SRP19: variants seen among roughly 807,000 people sequenced by gnomAD.
SRP19 encodes signal recognition particle 19.
A neutral mutation model predicts 22.4 loss-of-function variants in SRP19; 11 were observed. That is an observed-to-expected ratio of 0.49 (90% CI 0.31 to 0.81). The LOEUF is 0.81. SRP19 is among the 40% of genes least tolerant of loss of function. SRP19 has a pLI of 0.05. For synonymous variants in SRP19, 61 were observed against 57.6 expected, an observed-to-expected ratio of 1.06 and a Z score of -0.27; for missense variants, 168 against 175.9, an observed-to-expected ratio of 0.96 and a Z score of 0.25.
At chr5:112,891,787 C>G in exon 5 of SRP19, 2 of 1,608,652 alleles carry the variant, frequency 1.2e-6, no homozygotes, top group Non-Finnish European at 1.7e-6. Context: ...AGGACTCTCA[C>G]AGGAGGAGGA....
At chr5:112,861,531 C>T (rs1344279097) in intron 1 of SRP19, 114 bp downstream of exon 1, 2 of 1,129,904 alleles carry the variant, frequency 1.8e-6, no homozygotes, top group Non-Finnish European at 2.5e-6. Flanking sequence ...TGATCCAACT[C>T]GCTCTGTACG....
At chr5:112,861,555 T>A in intron 1 of SRP19, 138 bp downstream of exon 1, 1 of 872,280 alleles carries the variant, frequency 1.1e-6, no homozygotes, top group East Asian at 2.7e-5. Context: ...CCCGCGCCTC[T>A]CCCTGGCAGC....
chr5:112,889,836 T>A, intron 4 of SRP19, among the ~76,000 whole-genome samples: 1 of 148,872 alleles, frequency 6.7e-6, no homozygotes, highest in Non-Finnish European at 1.5e-5. Context: ...AAAATTTTTT[T>A]TTTTTTTTGA....
intron 4 of SRP19, chr5:112,878,647 A>T: frequency 1.6e-6 from 2 of 1,254,834 alleles, no homozygotes; most frequent in Non-Finnish European, 2.2e-6. Flanking sequence ...AAAGAAACTT[A>T]CAACACATTC....
chr5:112,883,596 G>A (rs531021856), intron 4 of SRP19, among the ~76,000 whole-genome samples: 3 of 152,006 alleles, frequency 2.0e-5, no homozygotes, highest in Non-Finnish European at 4.4e-5. Context: ...CACTACCTTC[G>A]TGATCTCATC....
chr5:112,878,813 T>G (rs1195355048), intron 4 of SRP19: 2 of 1,614,010 alleles, frequency 1.2e-6, no homozygotes, highest in African/African-American at 1.3e-5. Flanking sequence ...CTTCACCCAG[T>G]AAATTCACGG....
rs144919741 is a variant in SRP19, at chr5:112,878,822, G to A, written c.302-12781G>A. ...TCTTTTCTTCACCCAGTAAATTCAC[G>A]GTAGCTTTCTTCGCTGTTTGTTTGT... is the stretch of plus-strand genomic sequence containing the variant. On this transcript the variant is annotated intron_variant, in intron 4 of 4. Coordinates refer to the SRP19 transcript ENST00000391338. 5.0e-6 allele frequency: 8 copies of A among 1,613,864 alleles called. No homozygotes were observed. In the Admixed American group the frequency reaches 6.7e-5, roughly 13 times the overall value.
chr5:112,882,537 A>C (rs1768112463), intron 4 of SRP19, among the ~76,000 whole-genome samples: 1 of 152,194 alleles, frequency 6.6e-6, no homozygotes, highest in Admixed American at 6.5e-5. Context: ...GGAGAAAAAC[A>C]TAAACAAGAA....
At chr5:112,867,367 C>A (rs943323867) in intron 4 of SRP19, 37 bp from the exon 5 acceptor site, 2 of 1,581,050 alleles carry the variant, frequency 1.3e-6, no homozygotes, top group Admixed American at 3.6e-5. Flanking sequence ...TGTCTTATTT[C>A]TCAGATTATA....
At chr5:112,878,421 C>G (rs560069852) in intron 4 of SRP19, 9 of 210,394 alleles carry the variant, frequency 4.3e-5, no homozygotes, top group South Asian at 1.4e-4. Flanking sequence ...TAAAGATTAT[C>G]CTAAATGTAA....
intron 4 of SRP19, among the ~76,000 whole-genome samples, chr5:112,881,014 A>G (rs2150033565): frequency 6.6e-6 from 1 of 151,584 alleles, no homozygotes; most frequent in Non-Finnish European, 1.5e-5. Context: ...CTGTAATCAC[A>G]GCTACTTGGG....
chr5:112,895,025 T>A (rs1215420656), downstream of SRP19: 1 of 150,508 alleles, frequency 6.6e-6, no homozygotes, highest in African/African-American at 2.5e-5. Flanking sequence ...GATCACGAGG[T>A]CAGGAGTTCG....
At chr5:112,892,829 A>G (rs1466999331) in exon 5 of SRP19, 2 of 1,613,846 alleles carry the variant, frequency 1.2e-6, no homozygotes, top group Non-Finnish European at 1.7e-6. Flanking sequence ...TACAAAAGAA[A>G]TGGGGAATCC....
intron 4 of SRP19, chr5:112,885,170 A>G: frequency 5.8e-6 from 1 of 171,360 alleles, no homozygotes; most frequent in Non-Finnish European, 1.3e-5. Context: ...TCATGGTGCC[A>G]GCCCAGAGAG....
rs145971935 is a variant in SRP19 at position 112,875,081 on chromosome 5, C to G, written c.301+10349C>G. Among the ~76,000 whole-genome samples the G allele has an allele frequency of 3.7e-4, 56 of 152,164 alleles. 1 individual carries two copies. The East Asian group carries it at 0.01, about 27-fold the overall frequency. On this transcript the variant is annotated intron_variant, in intron 4 of 4. Coordinates refer to the SRP19 transcript ENST00000391338. ...GTGAACCACCGTGCCCGGCCCACACCAAAGTTTTTGGGAAGCATCGATCTA... is the reference window on the plus strand; with the variant it reads ...GTGAACCACCGTGCCCGGCCCACACGAAAGTTTTTGGGAAGCATCGATCTA...
chr5:112,880,774 T>A lies in SRP19; in HGVS notation c.302-10829T>A, dbSNP rs73789235. ...GTGGGTGAAGTAGACAGAAATGACA[T>A]CACCACAGGTTGCTGATTAGGCTAA... On this transcript the variant is annotated intron_variant, in intron 4 of 4. Transcript: ENST00000391338. Among the ~76,000 whole-genome samples, 1,137 of 152,218 alleles carry A rather than the reference T, an allele frequency of 7.5e-3. 12 individuals carry two copies. Among genetic ancestry groups the A allele is most frequent in the African/African-American group, 0.026 (1,067 of 41,530 alleles).
intron 4 of SRP19, chr5:112,877,032 A>C (rs1767915805): frequency 6.6e-6 from 1 of 151,900 alleles, no homozygotes; most frequent in Non-Finnish European, 1.5e-5. Flanking sequence ...TATTTATGGG[A>C]AAAGGATTTA....
intron 4 of SRP19, chr5:112,878,792 G>A: frequency 6.2e-7 from 1 of 1,614,140 alleles, no homozygotes; most frequent in Non-Finnish European, 8.5e-7. Flanking sequence ...TGGTTTAGGT[G>A]CTCTTCTTTT....
downstream of SRP19, chr5:112,897,052 T>C (rs1468154411): frequency 6.6e-6 from 1 of 152,138 alleles, no homozygotes; most frequent in East Asian, 1.9e-4. Flanking sequence ...AATTGGGAAG[T>C]AGGTAAATTA....
Sources: gnomAD v4.1 joint callset for allele counts (sites outside exome capture counted in the v4.1 genomes callset) on GRCh38, gnomAD v4.1.1 for gene constraint, MANE v1.5 for transcripts, NCBI Gene and HGNC (gene_info 2026-07-23, HGNC 2026-07-21) for gene names.